FRMPD3: variants seen among roughly 807,000 people sequenced by gnomAD.
FRMPD3 encodes the protein FERM and PDZ domain containing 3, also known as FERM and PDZ domain-containing protein 3.
Under a neutral mutation model 97.9 loss-of-function variants are expected in FRMPD3, and 42 were observed. The ratio of observed to expected loss-of-function variants is 0.43; its 90% CI spans 0.34 to 0.55. The LOEUF (loss-of-function observed/expected upper bound fraction) is 0.55, where lower values mean the gene tolerates loss of function less well. Among genes scored for constraint, FRMPD3 ranks in the 20% least tolerant of loss-of-function variants. The probability of loss-of-function intolerance (pLI) is 0.03; values close to 1 mark genes in which losing one functional copy is unlikely to be tolerated. For synonymous variants in FRMPD3, 577 were observed against 581.1 expected, an observed-to-expected ratio of 0.99 and a Z score of 0.10; for missense variants, 1,303 against 1,457.7, an observed-to-expected ratio of 0.89 and a Z score of 1.73.
intron 2 of FRMPD3, among the ~76,000 whole-genome samples, chrX:107,529,449 G>A (rs976649606): frequency 3.6e-5 from 4 of 110,939 alleles, no homozygotes; most frequent in African/African-American, 1.3e-4. Context: ...GCTGGGCATG[G>A]TGGAGTGTAC....
intron 4 of FRMPD3, among the ~76,000 whole-genome samples, chrX:107,538,699 T>C (rs1921133890): frequency 9.0e-6 from 1 of 111,540 alleles, no homozygotes; most frequent in Non-Finnish European, 1.9e-5. Context: ...CTCACTCTAT[T>C]ATCCAGTCTG....
At chrX:107,482,898 G>A (rs1921411731) in intron 1 of FRMPD3, among the ~76,000 whole-genome samples, 1 of 111,548 alleles carries the variant, frequency 9.0e-6, no homozygotes, top group Admixed American at 9.5e-5. Context: ...TTGTTGATGG[G>A]CAGAAGGAAC....
chrX:107,541,155 C>T (rs1921277816), intron 4 of FRMPD3, among the ~76,000 whole-genome samples: 1 of 113,220 alleles, frequency 8.8e-6, no homozygotes, highest in East Asian at 2.8e-4. Context: ...TGTATTATGC[C>T]TTCCTGCTAC....
At chrX:107,500,868 T>A (rs1266078403) in intron 1 of FRMPD3, among the ~76,000 whole-genome samples, 1 of 108,204 alleles carries the variant, frequency 9.2e-6, no homozygotes, top group African/African-American at 3.4e-5. Flanking sequence ...TTAAATGAGG[T>A]ACTATAACTG....
chrX:107,509,024 G>A (rs768711579), intron 1 of FRMPD3, among the ~76,000 whole-genome samples: 1 of 111,703 alleles, frequency 9.0e-6, no homozygotes, highest in South Asian at 3.8e-4. Flanking sequence ...GGAGGGAGGG[G>A]GGACTTGTTT....
At position 107,602,219 on chromosome X, in the gene FRMPD3, C is replaced by T. The variant is rs1410662793; in HGVS notation, c.4180C>T (p.Arg1394Cys). Reference sequence around the variant, plus strand: ...TCCCAATTACAGGAAACTGATGCGCCGCTACAGTATCAGTGAGCTGGACCA... The same window carrying T: ...TCCCAATTACAGGAAACTGATGCGCTGCTACAGTATCAGTGAGCTGGACCA... Reference protein sequence around the residue: ...GAPNYRKLMRRYSISELDQGD... With the variant: ...GAPNYRKLMRCYSISELDQGD... The change falls in exon 15 of 15, where the codon CGC (arginine) becomes TGC (cysteine). Residue 1394 changes from arginine (R) to cysteine (C), a missense_variant. Physicochemically the swap from Arg to Cys is radical, Grantham distance 180 (BLOSUM62 -3). Coordinates refer to ENST00000683843, the MANE Select transcript of FRMPD3 (RefSeq NM_001388459.1). 2.5e-6 allele frequency: 3 copies of T among 1,208,421 alleles called. No individual in the cohort carries two copies. The highest frequency in any genetic ancestry group is 3.4e-6 in the Non-Finnish European group (3 of 894,662).
chrX:107,526,472 G>A, intron 1 of FRMPD3, 110 bp from the exon 2 acceptor site: 1 of 638,973 alleles, frequency 1.6e-6, no homozygotes, highest in Non-Finnish European at 2.3e-6. Context: ...AAGCTAAGCT[G>A]TAAACTCCTG....
chrX:107,562,767 G>A (rs5962849), intron 10 of FRMPD3, among the ~76,000 whole-genome samples: 1 of 111,750 alleles, frequency 8.9e-6, no homozygotes, highest in Non-Finnish European at 1.9e-5. Context: ...TGACCAGCAT[G>A]TACATGACTC....
At chrX:107,580,548 T>C (rs1415684309) in intron 13 of FRMPD3, among the ~76,000 whole-genome samples, 1 of 111,320 alleles carries the variant, frequency 9.0e-6, no homozygotes, top group Non-Finnish European at 1.9e-5. Flanking sequence ...ATCTTCTTAT[T>C]GGGCATGCCA....
chrX:107,551,868 C>T (rs1921879868), intron 6 of FRMPD3, among the ~76,000 whole-genome samples: 1 of 112,652 alleles, frequency 8.9e-6, no homozygotes, highest in South Asian at 3.6e-4. Flanking sequence ...AAGTACCCAC[C>T]AATTTCCAGC....
At chrX:107,506,145 T>C (rs1019055024) in intron 1 of FRMPD3, among the ~76,000 whole-genome samples, 4 of 112,011 alleles carry the variant, frequency 3.6e-5, no homozygotes, top group African/African-American at 1.3e-4. Context: ...CTTTTTTCTG[T>C]CTCCCATAGC....
chrX:107,551,738 G>A (rs1273267343), intron 6 of FRMPD3, among the ~76,000 whole-genome samples: 3 of 112,189 alleles, frequency 2.7e-5, no homozygotes, highest in South Asian at 7.4e-4. Context: ...GGCAATCGCC[G>A]GATTGGCTGT....
chrX:107,480,025 C>G (rs1921302849), intron 1 of FRMPD3, among the ~76,000 whole-genome samples: 1 of 106,509 alleles, frequency 9.4e-6, no homozygotes, highest in African/African-American at 3.5e-5. Context: ...AGACCAAAAC[C>G]CTGTCTCATT....
chrX:107,470,370 C>G (rs1266323634), intron 1 of FRMPD3, among the ~76,000 whole-genome samples: 1 of 112,106 alleles, frequency 8.9e-6, no homozygotes, highest in East Asian at 2.8e-4. Flanking sequence ...TGCCTCCAAA[C>G]TCACTCATGT....
rs1052199790 is a variant in FRMPD3, at chrX:107,604,957, G to C, written c.*1584G>C. 2 of 109,758 alleles carry C rather than the reference G, an allele frequency of 1.8e-5. No individual in the cohort carries two copies. Among genetic ancestry groups the C allele is most frequent in the Admixed American group, 9.8e-5 (1 of 10,210 alleles). The allele number at this position is 109,758 out of a possible 1,213,427, so 9.0% of individuals were successfully genotyped here. On this transcript the variant is annotated 3_prime_UTR_variant, in exon 15 of 15. Transcript: ENST00000683843. The stretch of plus-strand genomic sequence containing the variant: ...CACTTCCTTGCTTCTCCTCCCCCAG[G>C]ACCAAGTTGTTGAATGGGCCAGAGA...
chrX:107,582,805 C>A (rs1923455610), intron 13 of FRMPD3, among the ~76,000 whole-genome samples: 1 of 112,116 alleles, frequency 8.9e-6, no homozygotes, highest in Admixed American at 9.5e-5. Flanking sequence ...TGTGAGTCAT[C>A]CTACTTTGTA....
chrX:107,568,650 C>T (rs1407891897), intron 12 of FRMPD3, among the ~76,000 whole-genome samples: 1 of 107,943 alleles, frequency 9.3e-6, no homozygotes, highest in Non-Finnish European at 1.9e-5. Flanking sequence ...GGGAGAATTG[C>T]TTGAACCTGG....
chrX:107,597,418 G>A lies in FRMPD3; in HGVS notation c.1539G>A (p.Ser513=), dbSNP rs777637067. 2.5e-6 allele frequency: 3 copies of A among 1,210,735 alleles called. No homozygotes were observed. Among genetic ancestry groups the A allele is most frequent in the South Asian group, 3.5e-5 (2 of 56,971 alleles). Reference sequence around the variant, plus strand: ...GCGTGGGCACCAGCCCCAGGAAATCGAGCCGCTGCACGCCCCCACCTGCCG... The same window carrying A: ...GCGTGGGCACCAGCCCCAGGAAATCAAGCCGCTGCACGCCCCCACCTGCCG... The part of the protein sequence containing the change: ...VGSVGTSPRK[S]SRCTPPPADS... The change falls in exon 14 of 15, where the codon TCG becomes TCA. Residue 513 remains serine (S), a synonymous_variant. Coordinates refer to ENST00000683843, the MANE Select transcript of FRMPD3 (RefSeq NM_001388459.1).
chrX:107,603,706 T>C lies in FRMPD3; in HGVS notation c.*333T>C, dbSNP rs1051643102. ...TCAGGCTCACTTCCTGCTCAATCCG[T>C]GTTGGGCGCTGGGGGAGCCAGGGCC... On this transcript the variant is annotated 3_prime_UTR_variant, in exon 15 of 15. Transcript: ENST00000683843. 4.3e-5 allele frequency: 8 copies of C among 183,953 alleles called. No homozygotes were observed. The highest frequency in any genetic ancestry group is 7.0e-5 in the Non-Finnish European group (7 of 100,628). 15.2% of individuals were successfully genotyped at this position (183,953 alleles called of 1,213,427 possible).
Sources: allele counts gnomAD v4.1 joint callset (sites outside exome capture counted in the v4.1 genomes callset), GRCh38; gene constraint gnomAD v4.1.1; transcripts MANE v1.5; gene names NCBI Gene and HGNC (gene_info 2026-07-23, HGNC 2026-07-21).